The following PRR16 variants were observed in gnomAD, a reference collection of about 807,000 sequenced individuals.
PRR16 encodes the protein protein Largen.
In PRR16, 6 loss-of-function variants were observed where a neutral mutation model predicts 18.2. That is an observed-to-expected ratio of 0.33 (90% CI 0.18 to 0.65). The LOEUF is 0.65. PRR16 is among the 30% of genes least tolerant of loss of function. PRR16 has a pLI of 0.74. For missense variants in PRR16, 412 were observed against 376.6 expected, an observed-to-expected ratio of 1.09 and a Z score of -0.78; for synonymous variants, 151 against 147.8, an observed-to-expected ratio of 1.02 and a Z score of -0.16.
intron 1 of PRR16, among the ~76,000 whole-genome samples, chr5:120,550,896 C>T (rs969700859): frequency 6.6e-6 from 1 of 151,902 alleles, no homozygotes; most frequent in South Asian, 2.1e-4. Context: ...TTTTTGTTTA[C>T]TCAAGTTTAC....
intron 1 of PRR16, among the ~76,000 whole-genome samples, chr5:120,520,342 C>T (rs1444509953): frequency 1.3e-5 from 2 of 152,074 alleles, no homozygotes; most frequent in Non-Finnish European, 2.9e-5. Context: ...TTGCAGTGAG[C>T]CAAGATCATG....
intron 1 of PRR16, among the ~76,000 whole-genome samples, chr5:120,592,808 A>G (rs903263612): frequency 1.4e-4 from 22 of 152,134 alleles, no homozygotes; most frequent in Non-Finnish European, 2.6e-4. Flanking sequence ...TCCCCCATGT[A>G]ATGTTCCAAA....
chr5:120,599,803 A>G (rs1025305818), intron 1 of PRR16, among the ~76,000 whole-genome samples: 6 of 151,714 alleles, frequency 4.0e-5, no homozygotes, highest in African/African-American at 1.5e-4. Context: ...CCCATGTATT[A>G]TTGCTGACAT....
the PRR16 span, among the ~76,000 whole-genome samples, chr5:120,765,118 A>AATTGTAAGAAGGAAGACAG: frequency 6.6e-6 from 1 of 151,922 alleles, no homozygotes; most frequent in African/African-American, 2.4e-5. Flanking sequence ...ATAACACCAT[A>AATTGTAAGAAGGAAGACAG]AAAGAGAACA....
chr5:120,589,015 G>A (rs903508100), intron 1 of PRR16, among the ~76,000 whole-genome samples: 2 of 151,702 alleles, frequency 1.3e-5, no homozygotes, highest in African/African-American at 2.4e-5. Flanking sequence ...TGCCTCTACC[G>A]TTTTCTAGCA....
intron 1 of PRR16, among the ~76,000 whole-genome samples, chr5:120,502,757 T>A (rs1435584606): frequency 6.6e-6 from 1 of 152,178 alleles, no homozygotes; most frequent in African/African-American, 2.4e-5. Context: ...ACCAGCAATT[T>A]CTAGTTCAAC....
the PRR16 span, among the ~76,000 whole-genome samples, chr5:120,733,121 G>A: frequency 6.6e-6 from 1 of 152,014 alleles, no homozygotes; most frequent in East Asian, 1.9e-4. Flanking sequence ...TAATAATGTG[G>A]TGGTATCTTT....
intron 1 of PRR16, among the ~76,000 whole-genome samples, chr5:120,510,145 G>C (rs967764479): frequency 1.3e-5 from 2 of 152,104 alleles, no homozygotes; most frequent in Non-Finnish European, 2.9e-5. Flanking sequence ...AATGTGCCCT[G>C]TCTTTTGTCA....
At chr5:120,601,852 T>G (rs1054358436) in intron 1 of PRR16, among the ~76,000 whole-genome samples, 9 of 152,082 alleles carry the variant, frequency 5.9e-5, no homozygotes, top group African/African-American at 1.9e-4. Context: ...GTTGTCACCT[T>G]TGTCAAAGGT....
At position 120,686,604 on chromosome 5, in the gene PRR16, C is replaced by A. The variant is rs1757134553; in HGVS notation, c.810C>A (p.Ser270Arg). The change falls in exon 2 of 2, where the codon AGC becomes AGA. Residue 270 changes from serine to arginine, a missense_variant. Transcript: ENST00000407149. ...TAGAAAATGGGGGAATGGGAATAAG[C>A]CACAGTAACAGCTTCCCCCCTATCA... Reference protein sequence around the residue: ...FPLENGGMGISHSNSFPPIRP... With the variant: ...FPLENGGMGIRHSNSFPPIRP... The A allele has an allele frequency of 6.2e-7, 1 of 1,613,478 alleles. No homozygotes were observed. The highest frequency in any genetic ancestry group is 8.5e-7 in the Non-Finnish European group (1 of 1,179,622).
chr5:120,733,896 C>A, the PRR16 span, among the ~76,000 whole-genome samples: 6 of 152,246 alleles, frequency 3.9e-5, no homozygotes, highest in East Asian at 9.7e-4. Context: ...TTTTACTATA[C>A]TTTCAATGCA....
At chr5:120,748,021 T>G in the PRR16 span, among the ~76,000 whole-genome samples, 1 of 152,108 alleles carries the variant, frequency 6.6e-6, no homozygotes, top group Non-Finnish European at 1.5e-5. Context: ...TCTCTATATA[T>G]TATCCAACAA....
intron 1 of PRR16, among the ~76,000 whole-genome samples, chr5:120,474,609 C>A (rs932124750): frequency 6.7e-5 from 6 of 89,948 alleles, no homozygotes; most frequent in African/African-American, 3.1e-4. Context: ...AAAAAAAAAC[C>A]CATTATCTGT....
intron 1 of PRR16, among the ~76,000 whole-genome samples, chr5:120,466,760 A>T (rs928631118): frequency 1.3e-5 from 2 of 152,220 alleles, no homozygotes; most frequent in Non-Finnish European, 2.9e-5. Flanking sequence ...CAGTAGATGA[A>T]ACTATCTGAC....
At chr5:120,671,144 A>G (rs1756588097) in intron 1 of PRR16, among the ~76,000 whole-genome samples, 1 of 152,148 alleles carries the variant, frequency 6.6e-6, no homozygotes, top group Non-Finnish European at 1.5e-5. Context: ...CTTACACTGT[A>G]CTACATTGGA....
At chr5:120,770,950 TCA>T in the PRR16 span, among the ~76,000 whole-genome samples, 3,313 of 148,832 alleles carry the variant, frequency 0.022, 51 homozygotes, top group African/African-American at 0.042. Flanking sequence ...TCTCTCTCTC[TCA>T]CACACACACA....
chr5:120,619,263 T>A (rs1264743601), intron 1 of PRR16, among the ~76,000 whole-genome samples: 1 of 152,070 alleles, frequency 6.6e-6, no homozygotes, highest in East Asian at 1.9e-4. Context: ...TAATTTTTCT[T>A]GAAAAAAGAA....
At chr5:120,667,804 A>G (rs1195238429) in intron 1 of PRR16, among the ~76,000 whole-genome samples, 3 of 152,102 alleles carry the variant, frequency 2.0e-5, no homozygotes, top group Non-Finnish European at 4.4e-5. Context: ...GTTTGATTGC[A>G]CTGTGGTCTG....
At chr5:120,637,138 T>C (rs1445037259) in intron 1 of PRR16, among the ~76,000 whole-genome samples, 2 of 151,890 alleles carry the variant, frequency 1.3e-5, no homozygotes, top group Admixed American at 6.6e-5. Flanking sequence ...AAATAATAGA[T>C]GATGGCATGG....
Sources: allele counts gnomAD v4.1 joint callset (sites outside exome capture counted in the v4.1 genomes callset), GRCh38; gene constraint gnomAD v4.1.1; transcripts MANE v1.5; gene names NCBI Gene and HGNC (gene_info 2026-07-23, HGNC 2026-07-21).